Variants in PCDH9 observed in about 807,000 individuals in gnomAD.
PCDH9 encodes the protein protocadherin-9.
A neutral mutation model predicts 70.6 loss-of-function variants in PCDH9; 24 were observed. The observed-to-expected ratio is 0.34, with a 90% CI of 0.25 to 0.48. The LOEUF (loss-of-function observed/expected upper bound fraction) is 0.48. PCDH9 is among the 20% of genes least tolerant of loss of function. PCDH9 has a pLI of 0.99. For missense variants in PCDH9, 1,281 were observed against 1,503.6 expected (o/e 0.85, Z 2.45); for synonymous variants, 562 against 558.5 (o/e 1.01, Z -0.09).
chr13:67,086,411 C>T (rs2086108506), intron 2 of PCDH9, among the ~76,000 whole-genome samples: 1 of 152,128 alleles, frequency 6.6e-6, no homozygotes, highest in Admixed American at 6.5e-5. Flanking sequence ...TATCAGTGAC[C>T]AAACTTGGCA....
chr13:66,890,448 CTTTTTTT>C (rs36076373), intron 3 of PCDH9, among the ~76,000 whole-genome samples: 3 of 100,564 alleles, frequency 3.0e-5, no homozygotes, highest in Non-Finnish European at 6.1e-5. Context: ...GACTTCTGAA[CTTTTTTT>C]TTTTTTTTTT....
At chr13:66,632,273 T>C (rs1335806990) in intron 3 of PCDH9, among the ~76,000 whole-genome samples, 1 of 152,238 alleles carries the variant, frequency 6.6e-6, no homozygotes, top group Non-Finnish European at 1.5e-5. Context: ...AAAGTTATTA[T>C]TTGAAGAGTC....
At chr13:66,777,981 A>G (rs2079926676) in intron 3 of PCDH9, among the ~76,000 whole-genome samples, 1 of 152,016 alleles carries the variant, frequency 6.6e-6, no homozygotes, top group African/African-American at 2.4e-5. Flanking sequence ...TGTCCTTTGT[A>G]GGGACATGGA....
intron 2 of PCDH9, among the ~76,000 whole-genome samples, chr13:67,121,462 A>G (rs888583692): frequency 2.0e-5 from 3 of 152,128 alleles, no homozygotes; most frequent in Non-Finnish European, 4.4e-5. Context: ...TTAACTTTTA[A>G]TGTCTTTTTT....
chr13:66,607,787 A>C (rs2077239934), intron 4 of PCDH9, among the ~76,000 whole-genome samples: 1 of 152,136 alleles, frequency 6.6e-6, no homozygotes, highest in Non-Finnish European at 1.5e-5. Flanking sequence ...GCATGTTTAA[A>C]TTATAATGAA....
chr13:66,631,254 G>T lies in PCDH9; in HGVS notation c.3296C>A (p.Pro1099Gln). The change falls in exon 4 of 5, where the codon CCG becomes CAG. Residue 1099 changes from proline to glutamine, a missense_variant. Physicochemically the swap from Pro to Gln is moderately conservative, Grantham distance 76 (BLOSUM62 -1). Transcript: ENST00000377865. ...PQDEFYDQASPDKRTEADGNS... is the reference protein window; with the variant it reads ...PQDEFYDQASQDKRTEADGNS... ...GCCATCTGCTTCAGTCCTCTTGTCC[G>T]GAGAGGCCTGGTCATAGAATTCGTC... 6.2e-7 allele frequency: 1 copy of T among 1,610,128 alleles called. No homozygotes were observed. Among genetic ancestry groups the T allele is most frequent in the Non-Finnish European group, 8.5e-7 (1 of 1,176,362 alleles).
At chr13:66,837,756 C>T (rs1414946037) in intron 3 of PCDH9, among the ~76,000 whole-genome samples, 1 of 152,076 alleles carries the variant, frequency 6.6e-6, no homozygotes, top group Non-Finnish European at 1.5e-5. Context: ...ACGACCTTTC[C>T]AGTCATCTTT....
rs71677008 is a variant in PCDH9 at position 66,559,817 on chromosome 13, A to AAAT, written c.3340+71392_3340+71393insATT. ...TCCATCTCAAAAAAAAAAAAAAAAAAATATATATATATATATACACACACA... is the reference window on the plus strand; with the variant it reads ...TCCATCTCAAAAAAAAAAAAAAAAAAAATATATATATATATATATACACACACA... On this transcript the variant is annotated intron_variant, in intron 4 of 4. Transcript: ENST00000377865. Among the ~76,000 whole-genome samples the AAAT allele has an allele frequency of 6.7e-4, 62 of 93,092 alleles. 2 individuals carry two copies. The highest frequency in any genetic ancestry group is 1.5e-3 in the African/African-American group (34 of 22,792). 61.1% of individuals were successfully genotyped at this position (93,092 alleles called of 152,430 possible).
chr13:66,880,525 G>A (rs112254144), intron 3 of PCDH9, among the ~76,000 whole-genome samples: 2 of 152,146 alleles, frequency 1.3e-5, no homozygotes, highest in African/African-American at 4.8e-5. Flanking sequence ...TACATTTCTG[G>A]ATAGGAAAAC....
intron 4 of PCDH9, among the ~76,000 whole-genome samples, chr13:66,534,116 C>A (rs1160341189): frequency 6.6e-6 from 1 of 152,050 alleles, no homozygotes; most frequent in African/African-American, 2.4e-5. Flanking sequence ...ATGCAGCTAG[C>A]CCCAGCTACC....
chr13:66,922,681 A>C (rs552078455), intron 2 of PCDH9, among the ~76,000 whole-genome samples: 12 of 151,588 alleles, frequency 7.9e-5, no homozygotes. Flanking sequence ...ATGATGATTT[A>C]TAATGCTATC....
rs960374751 is a variant in PCDH9 at position 66,342,022 on chromosome 13, G to T, written c.3341-36994C>A. ...GTCTTGCCTCTTCTGCTGTGGGCTG[G>T]GTGGGGACTGAGCATTCATGTTTTC... On this transcript the variant is annotated intron_variant, in intron 4 of 4. Coordinates refer to ENST00000377865, the MANE Select transcript of PCDH9 (RefSeq NM_203487.3). Among the ~76,000 whole-genome samples the T allele has an allele frequency of 2.0e-5, 3 of 152,118 alleles. No individual in the cohort carries two copies. In the South Asian group the frequency reaches 6.2e-4, roughly 32 times the overall value.
chr13:66,836,613 G>A (rs1484323614), intron 3 of PCDH9, among the ~76,000 whole-genome samples: 2 of 152,048 alleles, frequency 1.3e-5, no homozygotes, highest in East Asian at 3.9e-4. Flanking sequence ...TTTAATCTGT[G>A]TTATCCAACA....
intron 3 of PCDH9, among the ~76,000 whole-genome samples, chr13:66,705,953 TC>T (rs1305904051): frequency 5.3e-5 from 8 of 152,168 alleles, no homozygotes; most frequent in Admixed American, 5.2e-4. Context: ...TTAGACAATT[TC>T]CTCTGAAGTT....
intron 4 of PCDH9, among the ~76,000 whole-genome samples, chr13:66,342,269 A>C (rs1186358039): frequency 6.6e-6 from 1 of 152,212 alleles, no homozygotes; most frequent in African/African-American, 2.4e-5. Flanking sequence ...TAAGTGTGAG[A>C]ATTGCTACTA....
At chr13:66,380,744 C>T (rs1397628993) in intron 4 of PCDH9, among the ~76,000 whole-genome samples, 3 of 151,988 alleles carry the variant, frequency 2.0e-5, no homozygotes, top group East Asian at 1.9e-4. Flanking sequence ...GGGGTTTCAC[C>T]GTGTTAGCCA....
intron 2 of PCDH9, among the ~76,000 whole-genome samples, chr13:67,174,016 T>C (rs910160333): frequency 1.3e-5 from 2 of 152,160 alleles, no homozygotes; most frequent in African/African-American, 4.8e-5. Context: ...TTATAATTAA[T>C]CTATTCATAG....
At chr13:67,066,836 T>C (rs756803084) in intron 2 of PCDH9, among the ~76,000 whole-genome samples, 2 of 152,190 alleles carry the variant, frequency 1.3e-5, no homozygotes, top group Non-Finnish European at 2.9e-5. Context: ...TTCCAGTATG[T>C]CCAATTTGGT....
At chr13:66,684,855 C>A (rs1407256499) in intron 3 of PCDH9, among the ~76,000 whole-genome samples, 1 of 151,950 alleles carries the variant, frequency 6.6e-6, no homozygotes, top group Admixed American at 6.6e-5. Context: ...GTTTGCAGGG[C>A]TCAGAAGAAG....
Sources: gnomAD v4.1 joint callset for allele counts (sites outside exome capture counted in the v4.1 genomes callset) on GRCh38, gnomAD v4.1.1 for gene constraint, MANE v1.5 for transcripts, NCBI Gene and HGNC (gene_info 2026-07-23, HGNC 2026-07-21) for gene names.